Variants in TIAM1 observed in about 807,000 individuals in gnomAD.
TIAM1 encodes rho guanine nucleotide exchange factor TIAM1.
In TIAM1, 65 loss-of-function variants were observed where a neutral mutation model predicts 163.5. That is an observed-to-expected ratio of 0.40 (90% CI 0.33 to 0.49). The LOEUF (loss-of-function observed/expected upper bound fraction) is 0.49, where lower values mean the gene tolerates loss of function less well. Among genes scored for constraint, TIAM1 ranks in the 20% least tolerant of loss-of-function variants. The pLI is 0.77. For synonymous variants in TIAM1, 833 were observed against 810.1 expected (o/e 1.03, Z -0.48); for missense variants, 1,789 against 2,044.7 (o/e 0.87, Z 2.41).
At chr21:31,249,124 A>G (rs181091354) in intron 5 of TIAM1, among the ~76,000 whole-genome samples, 9 of 152,240 alleles carry the variant, frequency 5.9e-5, no homozygotes, top group African/African-American at 2.2e-4. Flanking sequence ...CAGTTAGCTC[A>G]GAATATGATC....
chr21:31,202,060 T>C (rs1329878714), intron 12 of TIAM1, among the ~76,000 whole-genome samples: 1 of 152,098 alleles, frequency 6.6e-6, no homozygotes, highest in Non-Finnish European at 1.5e-5. Context: ...CCCATAAGTA[T>C]GTTCAAACTC....
chr21:31,540,822 A>G (rs1408872546), intron 1 of TIAM1, among the ~76,000 whole-genome samples: 1 of 152,254 alleles, frequency 6.6e-6, no homozygotes, highest in Non-Finnish European at 1.5e-5. Flanking sequence ...AGTAATAAAC[A>G]CGAAAAGTAA....
Position 31,223,737 on chromosome 21 carries a change from C to G in TIAM1, c.1810-146G>C. The G allele has an allele frequency of 9.0e-6, 7 of 778,960 alleles. No homozygotes were observed. In the South Asian group the frequency reaches 2.3e-4, roughly 26 times the overall value. 48.3% of individuals were successfully genotyped at this position (778,960 alleles called of 1,614,324 possible). A position where few individuals can be genotyped will look rare whatever the true frequency, so the allele number is the denominator to read the frequency against. Reference sequence around the variant, plus strand: ...AACAGGTACCTAAGTTTCTTAGTTACTTATGTTTCTTCTGCAAGATCTATA... The same window carrying G: ...AACAGGTACCTAAGTTTCTTAGTTAGTTATGTTTCTTCTGCAAGATCTATA... On this transcript the variant is annotated intron_variant, in intron 7 of 27. Coordinates refer to ENST00000541036, the MANE Select transcript of TIAM1 (RefSeq NM_001353694.2).
intron 2 of TIAM1, among the ~76,000 whole-genome samples, chr21:31,361,362 G>C (rs2076403450): frequency 1.3e-5 from 2 of 152,098 alleles, no homozygotes; most frequent in Admixed American, 1.3e-4. Context: ...GCAAAAATAT[G>C]ATTCCATAAA....
At chr21:31,137,088 C>T (rs1568894624) in intron 22 of TIAM1, among the ~76,000 whole-genome samples, 3 of 152,358 alleles carry the variant, frequency 2.0e-5, no homozygotes, top group South Asian at 2.1e-4. Context: ...GCAAGTTCAA[C>T]GTCTATGCCT....
chr21:31,199,369 G>C (rs2833332), intron 12 of TIAM1, among the ~76,000 whole-genome samples: 1 of 151,494 alleles, frequency 6.6e-6, no homozygotes, highest in East Asian at 2.0e-4. Context: ...TGGCACTTAG[G>C]CTCTACATGG....
At chr21:31,348,105 CTCTA>C (rs2076178407), upstream of TIAM1, among the ~76,000 whole-genome samples, 1 of 149,984 alleles carries the variant, frequency 6.7e-6, no homozygotes, top group South Asian at 2.2e-4. Flanking sequence ...CACTCTCTCT[CTCTA>C]TATATTAGAT....
intron 1 of TIAM1, among the ~76,000 whole-genome samples, chr21:31,468,806 T>A (rs925459434): frequency 3.3e-5 from 5 of 152,036 alleles, no homozygotes; most frequent in Admixed American, 6.6e-5. Flanking sequence ...GGCGACGTGC[T>A]AAATACTCTC....
chr21:31,343,751 G>A (rs1207253612), intron 1 of TIAM1, among the ~76,000 whole-genome samples: 1 of 152,182 alleles, frequency 6.6e-6, no homozygotes, highest in African/African-American at 2.4e-5. Context: ...ACAGCCCCGG[G>A]CAGGACGCAT....
intron 3 of TIAM1, among the ~76,000 whole-genome samples, chr21:31,275,906 A>C (rs2073278040): frequency 1.3e-5 from 2 of 152,160 alleles, no homozygotes; most frequent in Non-Finnish European, 2.9e-5. Flanking sequence ...TAATAATATA[A>C]ATTTTCACTC....
chr21:31,510,591 T>C (rs959222499), intron 1 of TIAM1, among the ~76,000 whole-genome samples: 3 of 152,144 alleles, frequency 2.0e-5, no homozygotes, highest in Non-Finnish European at 4.4e-5. Flanking sequence ...GGCGGATGGA[T>C]TGCCTGAGGT....
intron 2 of TIAM1, among the ~76,000 whole-genome samples, chr21:31,297,911 T>C (rs945452015): frequency 6.6e-6 from 1 of 152,206 alleles, no homozygotes; most frequent in African/African-American, 2.4e-5. Context: ...GGAATACCAA[T>C]TGCCCGAGTA....
intron 3 of TIAM1, among the ~76,000 whole-genome samples, chr21:31,273,438 G>GA (rs2073152622): frequency 6.6e-6 from 1 of 152,204 alleles, no homozygotes; most frequent in Non-Finnish European, 1.5e-5. Context: ...TTTGAGAACT[G>GA]AATCATGACA....
chr21:31,262,094 G>A (rs2072509976), intron 4 of TIAM1, among the ~76,000 whole-genome samples: 1 of 152,202 alleles, frequency 6.6e-6, no homozygotes, highest in Non-Finnish European at 1.5e-5. Context: ...AGACACGGGA[G>A]AGCAGAACCC....
intron 2 of TIAM1, among the ~76,000 whole-genome samples, chr21:31,457,916 T>C (rs1365251164): frequency 6.6e-6 from 1 of 152,188 alleles, no homozygotes; most frequent in African/African-American, 2.4e-5. Flanking sequence ...CCTTCGATAC[T>C]TGGCACAGAC....
At chr21:31,520,331 CAAA>C (rs776959924) in intron 1 of TIAM1, among the ~76,000 whole-genome samples, 4 of 76,044 alleles carry the variant, frequency 5.3e-5, no homozygotes, top group Non-Finnish European at 5.5e-5. Context: ...AACTCTGTCT[CAAA>C]AAAAAAAAAA....
chr21:31,192,172 C>T (rs1444698133), intron 13 of TIAM1, among the ~76,000 whole-genome samples: 1 of 152,140 alleles, frequency 6.6e-6, no homozygotes, highest in African/African-American at 2.4e-5. Context: ...ACGCAAGTGG[C>T]CAGGGTTCAA....
At chr21:31,456,591 A>G (rs2045111703) in intron 2 of TIAM1, among the ~76,000 whole-genome samples, 1 of 151,144 alleles carries the variant, frequency 6.6e-6, no homozygotes, top group African/African-American at 2.4e-5. Context: ...GATGTGCTAC[A>G]GTTGATCAAC....
At chr21:31,231,368 A>G (rs1195207276) in intron 6 of TIAM1, among the ~76,000 whole-genome samples, 1 of 152,146 alleles carries the variant, frequency 6.6e-6, no homozygotes, top group Non-Finnish European at 1.5e-5. Flanking sequence ...TGTGTAGTGC[A>G]CTTGGAACCC....
Sources: allele counts gnomAD v4.1 joint callset (sites outside exome capture counted in the v4.1 genomes callset), GRCh38; gene constraint gnomAD v4.1.1; transcripts MANE v1.5; gene names NCBI Gene and HGNC (gene_info 2026-07-23, HGNC 2026-07-21).